The following NRG1 variants were observed in gnomAD, a reference collection of about 807,000 sequenced individuals.
The protein encoded by NRG1 is neuregulin 1, also known as pro-neuregulin-1, membrane-bound isoform.
A neutral mutation model predicts 63.8 loss-of-function variants in NRG1; 18 were observed. The ratio of observed to expected loss-of-function variants is 0.28; its 90% confidence interval spans 0.19 to 0.42. The LOEUF is 0.42. Among genes scored for constraint, NRG1 ranks in the 10% least tolerant of loss-of-function variants. The pLI is 1.00. For missense variants in NRG1, 762 were observed against 814.7 expected (o/e 0.94, Z 0.79); for synonymous variants, 302 against 301.3 (o/e 1.00, Z -0.02).
At chr8:32,508,975 T>C (rs1219112217) in intron 1 of NRG1, among the ~76,000 whole-genome samples, 1 of 152,040 alleles carries the variant, frequency 6.6e-6, no homozygotes, top group Non-Finnish European at 1.5e-5. Context: ...CCTCAAACGA[T>C]TTACCCACTT....
rs1843581662 is a variant in NRG1 at position 32,202,367 on chromosome 8, G to A, written c.38-393461G>A. 2.6e-5 allele frequency among the ~76,000 whole-genome samples: 4 copies of A among 152,166 alleles called. No homozygotes were observed. In the South Asian group the frequency reaches 8.3e-4, roughly 32 times the overall value. On this transcript the variant is annotated intron_variant, in intron 1 of 10. Transcript: ENST00000519301. ...GCCTCAGTGCTCAAACCCCTTATGG[G>A]ATGGGGAACATGCAGGTGCACAGGA...
At chr8:31,751,706 A>C (rs1055727208) in intron 1 of NRG1, among the ~76,000 whole-genome samples, 2 of 151,944 alleles carry the variant, frequency 1.3e-5, no homozygotes, top group Non-Finnish European at 2.9e-5. Context: ...GTGGTAGCTT[A>C]GATGGATGTT....
intron 1 of NRG1, among the ~76,000 whole-genome samples, chr8:32,526,561 TAGG>T (rs1313764071): frequency 6.6e-6 from 1 of 152,168 alleles, no homozygotes; most frequent in Non-Finnish European, 1.5e-5. Context: ...TCTGTTGATA[TAGG>T]AGGCCAAGGT....
intron 1 of NRG1, among the ~76,000 whole-genome samples, chr8:31,727,190 G>T (rs998290963): frequency 1.3e-5 from 2 of 152,148 alleles, no homozygotes; most frequent in Admixed American, 6.5e-5. Flanking sequence ...GTGGGACTCA[G>T]ATATGTAAAT....
intron 5 of NRG1, among the ~76,000 whole-genome samples, chr8:32,693,350 C>T (rs1812340792): frequency 6.6e-6 from 1 of 151,854 alleles, no homozygotes; most frequent in Non-Finnish European, 1.5e-5. Context: ...TCCCAAGTAG[C>T]TGGGACTACA....
chr8:32,739,964 C>A (rs1257044559), intron 6 of NRG1, among the ~76,000 whole-genome samples: 1 of 152,024 alleles, frequency 6.6e-6, no homozygotes, highest in Non-Finnish European at 1.5e-5. Context: ...CTGAATACAT[C>A]ATTAATTCTG....
intron 1 of NRG1, among the ~76,000 whole-genome samples, chr8:32,450,955 C>A (rs77085193): frequency 0.11 from 16,056 of 152,056 alleles, 1,204 homozygotes; most frequent in Admixed American, 0.24. Context: ...TTTGGAAAGT[C>A]TTCTCTAAGG....
chr8:32,300,583 G>A (rs981009163), intron 1 of NRG1, among the ~76,000 whole-genome samples: 5 of 152,212 alleles, frequency 3.3e-5, no homozygotes, highest in African/African-American at 1.2e-4. Context: ...CATTATTTCA[G>A]TAGAAACAGA....
intron 1 of NRG1, among the ~76,000 whole-genome samples, chr8:31,907,768 A>G (rs995096041): frequency 3.9e-5 from 6 of 152,150 alleles, no homozygotes; most frequent in African/African-American, 1.4e-4. Context: ...CTTTAGTTGC[A>G]AACAATCAAT....
intron 1 of NRG1, among the ~76,000 whole-genome samples, chr8:32,055,263 T>G (rs1249912797): frequency 6.6e-6 from 1 of 152,108 alleles, no homozygotes; most frequent in African/African-American, 2.4e-5. Flanking sequence ...AGGTGACTTT[T>G]TGTGTGTAAC....
chr8:32,386,120 G>A (rs1323085441), intron 1 of NRG1, among the ~76,000 whole-genome samples: 1 of 151,950 alleles, frequency 6.6e-6, no homozygotes, highest in East Asian at 1.9e-4. Flanking sequence ...TATTTATTTA[G>A]AGACAGAGTC....
intron 1 of NRG1, among the ~76,000 whole-genome samples, chr8:31,785,499 T>G (rs1031038969): frequency 3.9e-5 from 6 of 152,146 alleles, no homozygotes; most frequent in African/African-American, 1.2e-4. Flanking sequence ...TTCATGAGAA[T>G]TGATTGCTTT....
chr8:31,728,851 C>T (rs1813723006), intron 1 of NRG1, among the ~76,000 whole-genome samples: 1 of 152,062 alleles, frequency 6.6e-6, no homozygotes, highest in Non-Finnish European at 1.5e-5. Context: ...TAATAATGTT[C>T]TGTTTCAAAA....
At chr8:32,342,101 A>C (rs1348644100) in intron 1 of NRG1, among the ~76,000 whole-genome samples, 1 of 152,168 alleles carries the variant, frequency 6.6e-6, no homozygotes, top group East Asian at 1.9e-4. Context: ...GTGTCAGTCA[A>C]GTCTGTCTCT....
At chr8:32,032,895 T>C (rs1233303617) in intron 1 of NRG1, among the ~76,000 whole-genome samples, 1 of 152,110 alleles carries the variant, frequency 6.6e-6, no homozygotes, top group East Asian at 1.9e-4. Context: ...GTTTTTATAG[T>C]TTTGGGGTTT....
At chr8:32,335,906 G>A (rs923056794) in intron 1 of NRG1, among the ~76,000 whole-genome samples, 6 of 152,022 alleles carry the variant, frequency 3.9e-5, no homozygotes, top group African/African-American at 1.4e-4. Flanking sequence ...ACAAAGCCAG[G>A]AAGACATGGA....
At chr8:31,662,362 A>G (rs1381295058) in intron 1 of NRG1, among the ~76,000 whole-genome samples, 1 of 152,236 alleles carries the variant, frequency 6.6e-6, no homozygotes, top group Non-Finnish European at 1.5e-5. Flanking sequence ...TAAATAAAAA[A>G]CAGCACTTTT....
intron 1 of NRG1, among the ~76,000 whole-genome samples, chr8:32,352,831 T>C (rs1025974219): frequency 6.6e-6 from 1 of 151,906 alleles, no homozygotes; most frequent in Non-Finnish European, 1.5e-5. Flanking sequence ...TGAGCTATGA[T>C]CTTGCAACTG....
chr8:32,171,484 T>C (rs1265115170), intron 1 of NRG1: 1 of 152,460 alleles, frequency 6.6e-6, no homozygotes, highest in East Asian at 1.9e-4. Flanking sequence ...CACTGGGGAA[T>C]GTTGGAAAGT....
Sources: gnomAD v4.1 joint callset for allele counts (sites outside exome capture counted in the v4.1 genomes callset) on GRCh38, gnomAD v4.1.1 for gene constraint, MANE v1.5 for transcripts, NCBI Gene and HGNC (gene_info 2026-07-23, HGNC 2026-07-21) for gene names.